CAMK1D: variants seen among roughly 807,000 people sequenced by gnomAD.
CAMK1D encodes calcium/calmodulin-dependent protein kinase type 1D.
CAMK1D carries 9 observed loss-of-function variants against 47.7 expected under a neutral mutation model. The observed-to-expected ratio is 0.19, with a 90% CI of 0.11 to 0.33. The LOEUF is 0.33. Among genes scored for constraint, CAMK1D ranks in the 10% least tolerant of loss-of-function variants. The probability of loss-of-function intolerance (pLI) is 1.00; values close to 1 mark genes in which losing one functional copy is unlikely to be tolerated. For synonymous variants in CAMK1D, 184 were observed against 184.9 expected (o/e 0.99, Z 0.04); for missense variants, 291 against 488.7 (o/e 0.60, Z 3.81).
At chr10:12,611,949 C>T (rs1169943856) in intron 2 of CAMK1D, among the ~76,000 whole-genome samples, 1 of 152,180 alleles carries the variant, frequency 6.6e-6, no homozygotes, top group Non-Finnish European at 1.5e-5. Context: ...TGCCTTATTT[C>T]TCCACTTCAT....
intron 1 of CAMK1D, among the ~76,000 whole-genome samples, chr10:12,485,174 G>A (rs1834176817): frequency 6.6e-6 from 1 of 152,228 alleles, no homozygotes; most frequent in Non-Finnish European, 1.5e-5. Context: ...ACCGAGAGGC[G>A]AAGTGTATTT....
At chr10:12,357,999 A>G (rs1471340571) in intron 1 of CAMK1D, among the ~76,000 whole-genome samples, 1 of 152,068 alleles carries the variant, frequency 6.6e-6, no homozygotes, top group Non-Finnish European at 1.5e-5. Context: ...AGTTCATTTT[A>G]TATCTTCAGC....
chr10:12,363,607 G>A (rs180822079), intron 1 of CAMK1D, among the ~76,000 whole-genome samples: 6 of 150,850 alleles, frequency 4.0e-5, no homozygotes, highest in African/African-American at 1.2e-4. Context: ...ATTATTTAGA[G>A]GATACTGACA....
At chr10:12,595,744 A>G (rs1838130667) in intron 2 of CAMK1D, among the ~76,000 whole-genome samples, 1 of 152,190 alleles carries the variant, frequency 6.6e-6, no homozygotes, top group East Asian at 1.9e-4. Context: ...GTGACATTAG[A>G]TAGCAAATTT....
At chr10:12,460,930 G>T (rs965792961) in intron 1 of CAMK1D, among the ~76,000 whole-genome samples, 2 of 152,178 alleles carry the variant, frequency 1.3e-5, no homozygotes, top group Non-Finnish European at 2.9e-5. Context: ...TCAGAGCTTT[G>T]TCAGATCTGT....
intron 4 of CAMK1D, among the ~76,000 whole-genome samples, chr10:12,766,968 G>A (rs781133763): frequency 1.1e-4 from 16 of 152,162 alleles, no homozygotes; most frequent in Non-Finnish European, 1.9e-4. Flanking sequence ...TCACTGCGAT[G>A]TTGACACATC....
At chr10:12,531,530 C>T (rs1014461404) in intron 1 of CAMK1D, among the ~76,000 whole-genome samples, 3 of 152,192 alleles carry the variant, frequency 2.0e-5, no homozygotes, top group Non-Finnish European at 4.4e-5. Flanking sequence ...ATAATGATTA[C>T]AGCGTGTACC....
At chr10:12,736,971 A>G (rs1202066760) in intron 3 of CAMK1D, among the ~76,000 whole-genome samples, 1 of 152,134 alleles carries the variant, frequency 6.6e-6, no homozygotes, top group Non-Finnish European at 1.5e-5. Context: ...AGTTGCCCCA[A>G]GGTTGCTTCA....
chr10:12,501,422 G>A (rs1834699356), intron 1 of CAMK1D, among the ~76,000 whole-genome samples: 1 of 152,208 alleles, frequency 6.6e-6, no homozygotes, highest in Non-Finnish European at 1.5e-5. Context: ...GGGCGTGAGT[G>A]CGTGTGCTCA....
chr10:12,460,618 T>TG (rs960117867), intron 1 of CAMK1D, among the ~76,000 whole-genome samples: 2 of 152,184 alleles, frequency 1.3e-5, no homozygotes, highest in South Asian at 2.1e-4. Context: ...TTAGTAGACA[T>TG]GGGGTCTCAC....
intron 5 of CAMK1D, among the ~76,000 whole-genome samples, chr10:12,789,891 G>A (rs1368898788): frequency 2.0e-5 from 3 of 152,250 alleles, no homozygotes; most frequent in Non-Finnish European, 4.4e-5. Context: ...AGATATGTTT[G>A]GGGGCAAAGG....
At chr10:12,522,036 T>C (rs1835432183) in intron 1 of CAMK1D, among the ~76,000 whole-genome samples, 1 of 151,970 alleles carries the variant, frequency 6.6e-6, no homozygotes. Context: ...CTGTATCTTT[T>C]TATTGATGTA....
At chr10:12,522,201 CTT>C (rs746434997) in intron 1 of CAMK1D, among the ~76,000 whole-genome samples, 6 of 38,856 alleles carry the variant, frequency 1.5e-4, no homozygotes, top group South Asian at 1.2e-3. Flanking sequence ...CTTTTTTTTT[CTT>C]TTTTTTTTTT....
At position 12,523,526 on chromosome 10, in the gene CAMK1D, C is replaced by T. The variant is rs1449633201; in HGVS notation, c.93-29699C>T. Among the ~76,000 whole-genome samples the T allele has an allele frequency of 1.4e-4, 22 of 151,826 alleles. No homozygotes were observed. In the East Asian group the frequency reaches 3.1e-3, roughly 21 times the overall value. ...GGGAGGCCGAGGCTGGCGGATCACT[C>T]GCAGTTAGGAGCTGGAGACCAGCCC... On this transcript the variant is annotated intron_variant, in intron 1 of 10. Coordinates refer to ENST00000619168, the MANE Select transcript of CAMK1D (RefSeq NM_153498.4).
Position 12,427,534 on chromosome 10 carries a change from T to TG in CAMK1D, c.92+77629dup, listed in dbSNP as rs566582581. On this transcript the variant is annotated intron_variant, in intron 1 of 10. Transcript: ENST00000619168. ...TTGGCCTCCCCGGACAGGGAGAAGG[T>TG]GGGGGACAGGTCTGGGAGGGCAGAG... 5.2e-3 allele frequency among the ~76,000 whole-genome samples: 793 copies of TG among 151,812 alleles called. 3 individuals are homozygous for TG. Among genetic ancestry groups the TG allele is most frequent in the African/African-American group, 0.018 (765 of 41,394 alleles).
chr10:12,666,678 T>C lies in CAMK1D; in HGVS notation c.225-58T>C, dbSNP rs1006714425. 69 of 1,375,752 alleles carry C rather than the reference T, an allele frequency of 5.0e-5. No homozygotes were observed. In the Admixed American group the frequency reaches 1.2e-3, roughly 24 times the overall value. The allele number at this position is 1,375,752 out of a possible 1,614,324, so 85.2% of individuals were successfully genotyped here. A position where few individuals can be genotyped will look rare whatever the true frequency, so the allele number is the denominator to read the frequency against. On this transcript the variant is annotated intron_variant, in intron 2 of 10. Coordinates refer to ENST00000619168, the MANE Select transcript of CAMK1D (RefSeq NM_153498.4). ...CTTTTTGCTACAATGCTGTCTGTTT[T>C]GAAACATTTTCCTATCTAATCATAC...
chr10:12,625,694 C>T (rs1839194685), intron 2 of CAMK1D, among the ~76,000 whole-genome samples: 1 of 151,774 alleles, frequency 6.6e-6, no homozygotes, highest in South Asian at 2.1e-4. Context: ...GTTCCAGCCA[C>T]CCTCAGGGAA....
chr10:12,718,384 A>C (rs1355627715), intron 3 of CAMK1D, among the ~76,000 whole-genome samples: 1 of 152,244 alleles, frequency 6.6e-6, no homozygotes, highest in Non-Finnish European at 1.5e-5. Context: ...TTTATACAGC[A>C]TAAGAAAGTT....
intron 4 of CAMK1D, among the ~76,000 whole-genome samples, chr10:12,768,243 G>A (rs1468225369): frequency 6.6e-6 from 1 of 152,180 alleles, no homozygotes; most frequent in African/African-American, 2.4e-5. Flanking sequence ...GAGGAATGTG[G>A]CTTTTTTATC....
Sources: gnomAD v4.1 joint callset for allele counts (sites outside exome capture counted in the v4.1 genomes callset) on GRCh38, gnomAD v4.1.1 for gene constraint, MANE v1.5 for transcripts, NCBI Gene and HGNC (gene_info 2026-07-23, HGNC 2026-07-21) for gene names.